ANKRD18A: variants seen among roughly 807,000 people sequenced by gnomAD.
ANKRD18A encodes the protein ankyrin repeat domain-containing protein 18A.
Under a neutral mutation model 110.6 loss-of-function variants are expected in ANKRD18A, and 72 were observed. That is an observed-to-expected ratio of 0.65 (90% CI 0.54 to 0.79). The LOEUF (loss-of-function observed/expected upper bound fraction) is 0.79, where lower values mean the gene tolerates loss of function less well. ANKRD18A is among the 30% of genes least tolerant of loss of function. The pLI, the probability that ANKRD18A is intolerant of heterozygous loss-of-function variation, is 0.00. For synonymous variants in ANKRD18A, 305 were observed against 410.3 expected (o/e 0.74, Z 3.10); for missense variants, 934 against 1,163.3 (o/e 0.80, Z 2.87).
Position 38,603,204 on chromosome 9 carries a change from C to T in ANKRD18A, c.817G>A (p.Ala273Thr). The change falls in exon 7 of 16, where the codon GCT (alanine) becomes ACT (threonine). Residue 273 changes from alanine to threonine, a missense_variant. By Grantham distance (58) the Ala-to-Thr change is moderately conservative (BLOSUM62 0). Coordinates refer to ENST00000399703, the MANE Select transcript of ANKRD18A (RefSeq NM_147195.4). ...TTTTTCAAATTTGCAGGCTTCATAG[C>T]TGCTGTTTCTGTCAAACATGCAAAC... is the stretch of plus-strand genomic sequence containing the variant. ...HLRNDNQETA[A>T]MKPANLKKRK... The T allele has an allele frequency of 6.4e-7, 1 of 1,551,102 alleles. No individual in the cohort carries two copies. The highest frequency in any genetic ancestry group is 8.7e-7 in the Non-Finnish European group (1 of 1,146,608).
At position 38,594,805 on chromosome 9, in the gene ANKRD18A, C is replaced by T. The variant is rs117448781; in HGVS notation, c.1854+681G>A. Among the ~76,000 whole-genome samples, 2,656 of 152,284 alleles carry T rather than the reference C, an allele frequency of 0.017. 152 individuals are homozygous for T. The East Asian group carries it at 0.18, about 10-fold the overall frequency. On this transcript the variant is annotated intron_variant, in intron 9 of 15. Coordinates refer to ENST00000399703, the MANE Select transcript of ANKRD18A (RefSeq NM_147195.4). ...TAGAATTAAGTGTCAAAGCAGCTCA[C>T]TTAATTGAATCTGATTTTCAAAATA...
chr9:38,615,747 C>G lies in ANKRD18A; in HGVS notation c.342G>C (p.Glu114Asp). 3 of 1,613,036 alleles carry G rather than the reference C, an allele frequency of 1.9e-6. No individual in the cohort carries two copies. Among genetic ancestry groups the G allele is most frequent in the Non-Finnish European group, 2.5e-6 (3 of 1,179,876 alleles). ...PLMKAVHSQEEACAIVLLECG... is the reference protein window; with the variant it reads ...PLMKAVHSQEDACAIVLLECG... ...ATTCCAGGAGAACGATGGCACAAGC[C>G]TCTTCCTGGCTGTGTACAGCCTATT... The change falls in exon 3 of 16, where the codon GAG becomes GAC. Residue 114 changes from glutamate to aspartate, a missense_variant. Physicochemically the swap from Glu to Asp is conservative, Grantham distance 45 (BLOSUM62 2). Transcript: ENST00000399703.
At chr9:38,609,582 GGCAAAAGTCAAT>G (rs1825514676) in intron 5 of ANKRD18A, among the ~76,000 whole-genome samples, 2 of 152,002 alleles carry the variant, frequency 1.3e-5, no homozygotes, top group African/African-American at 4.8e-5. Context: ...GCATCCTGGT[GGCAAAAGTCAAT>G]CATTACCAGA....
downstream of ANKRD18A, chr9:38,571,264 A>G: frequency 6.9e-7 from 1 of 1,445,686 alleles, no homozygotes; most frequent in South Asian, 1.4e-5. Flanking sequence ...AAGTGCTGAC[A>G]GAATAATGGG....
chr9:38,576,309 G>T (rs1253104313), intron 14 of ANKRD18A, among the ~76,000 whole-genome samples: 2 of 152,300 alleles, frequency 1.3e-5, no homozygotes. Flanking sequence ...TCCTGGGGGA[G>T]AACTAGACTG....
intron 4 of ANKRD18A, among the ~76,000 whole-genome samples, chr9:38,610,820 G>C (rs948125804): frequency 6.6e-6 from 1 of 150,600 alleles, no homozygotes; most frequent in African/African-American, 2.5e-5. Context: ...GCTATCTGCA[G>C]GCTGAAAACA....
rs1446755228 is a variant in ANKRD18A, at chr9:38,577,945, A to G, written c.2451T>C (p.Gly817=). Residue 817 remains glycine (G), a synonymous_variant, in exon 13 of 16, where the codon GGT becomes GGC. Coordinates refer to ENST00000399703, the MANE Select transcript of ANKRD18A (RefSeq NM_147195.4). ...GCTCCGATTTATATTCTTGTAGTTT[A>G]CCAAGTTCTACCATATCTTTTTCCA... ...THMEKDMVEL[G]KLQEYKSELD... 1 of 1,589,748 alleles carries G rather than the reference A, an allele frequency of 6.3e-7. No individual in the cohort carries two copies. The highest frequency in any genetic ancestry group is 2.3e-5 in the East Asian group (1 of 43,784).
intron 6 of ANKRD18A, among the ~76,000 whole-genome samples, chr9:38,606,778 A>G (rs1415941671): frequency 6.6e-6 from 1 of 152,190 alleles, no homozygotes; most frequent in Non-Finnish European, 1.5e-5. Context: ...ATCCATTTGC[A>G]TAACAAGTCC....
At position 38,620,100 on chromosome 9, in the gene ANKRD18A, G is replaced by T; in HGVS notation, c.186C>A (p.Asp62Glu). The change falls in exon 1 of 16, where the codon GAC becomes GAA. Residue 62 changes from aspartate to glutamate, a missense_variant. This residue lies in a region of ANKRD18A where 630 missense variants were observed against 797.5 expected (regional missense o/e 0.79). Coordinates refer to ENST00000399703, the MANE Select transcript of ANKRD18A (RefSeq NM_147195.4). ...RCLTRRFRDLDARDRKDRTVL... is the reference protein window; with the variant it reads ...RCLTRRFRDLEARDRKDRTVL... ...GCTACCTGTCTTTTCTGTCGCGGGCGTCCAAGTCCCGGAACCTGCGCGTCA... is the reference window on the plus strand; with the variant it reads ...GCTACCTGTCTTTTCTGTCGCGGGCTTCCAAGTCCCGGAACCTGCGCGTCA... 6.4e-7 allele frequency: 1 copy of T among 1,555,162 alleles called. No homozygotes were observed. The highest frequency in any genetic ancestry group is 1.2e-5 in the South Asian group (1 of 84,282).
intron 11 of ANKRD18A, among the ~76,000 whole-genome samples, chr9:38,588,230 C>T (rs1824469308): frequency 6.6e-6 from 1 of 152,170 alleles, no homozygotes; most frequent in Non-Finnish European, 1.5e-5. Flanking sequence ...GCTCAGCTGA[C>T]TTCCACCCCG....
Position 38,620,256 on chromosome 9 carries a change from G to A in ANKRD18A, c.30C>T (p.Arg10=). MRKLFSFGR[R]LGQALLSSMD... ...TGGAGCTCAGGAGCGCCTGGCCCAGGCGTCTCCCGAAGCTGAAGAGCTTCC... is the reference window on the plus strand; with the variant it reads ...TGGAGCTCAGGAGCGCCTGGCCCAGACGTCTCCCGAAGCTGAAGAGCTTCC... Residue 10 remains arginine (R), a synonymous_variant, in exon 1 of 16, where the codon CGC becomes CGT. Coordinates refer to ENST00000399703, the MANE Select transcript of ANKRD18A (RefSeq NM_147195.4). 1.3e-6 allele frequency: 2 copies of A among 1,551,244 alleles called. No individual in the cohort carries two copies. The highest frequency in any genetic ancestry group is 1.7e-6 in the Non-Finnish European group (2 of 1,146,792).
intron 10 of ANKRD18A, 37 bp downstream of exon 10, chr9:38,593,723 A>G: frequency 6.9e-7 from 1 of 1,459,020 alleles, no homozygotes. Flanking sequence ...TCAACCAGCT[A>G]CAGATTAACT....
At position 38,575,596 on chromosome 9, in the gene ANKRD18A, T is replaced by C; in HGVS notation, c.2844A>G (p.Leu948=). ...TACTATTAAGATTTTCAACACAAGG[T>C]AACTCTGGTTCTGGCCTTGTAGGAA... is the stretch of plus-strand genomic sequence containing the variant. The part of the protein sequence containing the change: ...STLPTRPEPE[L]PCVENLNSIE... Residue 948 remains leucine, a synonymous_variant, in exon 15 of 16, where the codon TTA becomes TTG. Transcript: ENST00000399703. 1.3e-6 allele frequency: 2 copies of C among 1,551,648 alleles called. No individual in the cohort carries two copies. Among genetic ancestry groups the C allele is most frequent in the Non-Finnish European group, 1.7e-6 (2 of 1,146,840 alleles).
intron 6 of ANKRD18A, among the ~76,000 whole-genome samples, chr9:38,606,525 A>G (rs1825365769): frequency 6.6e-6 from 1 of 152,202 alleles, no homozygotes; most frequent in Admixed American, 6.5e-5. Flanking sequence ...CCTTTATTCT[A>G]AAAGCATAGT....
intron 7 of ANKRD18A, among the ~76,000 whole-genome samples, chr9:38,601,572 A>T (rs1825118138): frequency 6.6e-6 from 1 of 152,214 alleles, no homozygotes; most frequent in South Asian, 2.1e-4. Flanking sequence ...CAACATGCTA[A>T]GCACGTTATT....
chr9:38,591,653 G>T (rs1482912526), intron 10 of ANKRD18A, among the ~76,000 whole-genome samples: 1 of 152,176 alleles, frequency 6.6e-6, no homozygotes, highest in Non-Finnish European at 1.5e-5. Flanking sequence ...AATGGAAGTG[G>T]CCTTCTATAG....
At chr9:38,612,523 T>TTTTTTTTTC (rs1554679671) in intron 3 of ANKRD18A, among the ~76,000 whole-genome samples, 13 of 126,380 alleles carry the variant, frequency 1.0e-4, no homozygotes, top group African/African-American at 4.3e-4. Flanking sequence ...TTCTTTTTCT[T>TTTTTTTTTC]TTTTTTTTTT....
chr9:38,620,051 T>C (rs1480755889), intron 1 of ANKRD18A, 29 bp downstream of exon 1: 3 of 1,547,778 alleles, frequency 1.9e-6, no homozygotes, highest in Admixed American at 2.0e-5. Context: ...TGCGGCCCCC[T>C]CCCACCGCGG....
rs146460425 is a variant in ANKRD18A at position 38,615,340 on chromosome 9, C to A, written c.495+254G>T. Among the ~76,000 whole-genome samples the A allele has an allele frequency of 9.1e-3, 1,379 of 152,076 alleles. 8 individuals are homozygous for A. The highest frequency in any genetic ancestry group is 0.02 in the African/African-American group (818 of 41,448). On this transcript the variant is annotated intron_variant, in intron 3 of 15. Coordinates refer to ENST00000399703, the MANE Select transcript of ANKRD18A (RefSeq NM_147195.4). ...TACACTAATTAGAAAAAAAATACAC[C>A]TGGGGTAGGAAACAAATACTTGAAA... is the stretch of plus-strand genomic sequence containing the variant.
Sources: allele counts gnomAD v4.1 joint callset (sites outside exome capture counted in the v4.1 genomes callset), GRCh38; gene constraint gnomAD v4.1.1; regional missense constraint gnomAD v4.1.1; transcripts MANE v1.5; gene names NCBI Gene and HGNC (gene_info 2026-07-23, HGNC 2026-07-21).